Variants in CBFA2T3 observed in about 807,000 individuals in gnomAD.
The protein encoded by CBFA2T3 is transcriptional corepressor CBFA2T3.
Under a neutral mutation model 58.6 loss-of-function variants are expected in CBFA2T3, and 31 were observed. The ratio of observed to expected loss-of-function variants is 0.53; its 90% CI spans 0.40 to 0.71. The LOEUF is 0.71. Among genes scored for constraint, CBFA2T3 ranks in the 30% least tolerant of loss-of-function variants. CBFA2T3 has a pLI of 0.00. For missense variants in CBFA2T3, 1,076 were observed against 963.1 expected (o/e 1.12, Z -1.55); for synonymous variants, 531 against 421.9 (o/e 1.26, Z -3.17).
Position 88,877,038 on chromosome 16 carries a change from C to T in CBFA2T3, c.1900G>A (p.Ala634Thr). 2.0e-6 allele frequency: 3 copies of T among 1,509,420 alleles called. No individual in the cohort carries two copies. The highest frequency in any genetic ancestry group is 2.7e-6 in the Non-Finnish European group (3 of 1,129,974). The allele number at this position is 1,509,420 out of a possible 1,614,324, so 93.5% of individuals were successfully genotyped here. ...GGGGAGCCGGGGCGAGAAGGCCCCG[C>T]AGAGCCGGCTTCGCTGGGGCTGGCA... is the stretch of plus-strand genomic sequence containing the variant. ...GAASPSEAGS[A>T]GPSRPGSPSP... Residue 634 changes from alanine to threonine, a missense_variant, in exon 12 of 12, where the codon GCG becomes ACG. Ala to Thr is a moderately conservative substitution (Grantham distance 58). Coordinates refer to ENST00000268679, the MANE Select transcript of CBFA2T3 (RefSeq NM_005187.6).
At chr16:88,887,733 G>A (rs534425609) in intron 5 of CBFA2T3, among the ~76,000 whole-genome samples, 1 of 152,198 alleles carries the variant, frequency 6.6e-6, no homozygotes, top group East Asian at 1.9e-4. Flanking sequence ...AGGGCACCCG[G>A]GGAGGTGTCA....
intron 1 of CBFA2T3, among the ~76,000 whole-genome samples, chr16:88,920,663 C>A (rs1970883941): frequency 6.6e-6 from 1 of 152,202 alleles, no homozygotes; most frequent in African/African-American, 2.4e-5. Flanking sequence ...GAGGCCCCAC[C>A]ACGCAATGCC....
At chr16:88,941,600 CG>C (rs1971735481) in intron 1 of CBFA2T3, among the ~76,000 whole-genome samples, 1 of 146,402 alleles carries the variant, frequency 6.8e-6, no homozygotes, top group African/African-American at 2.5e-5. Flanking sequence ...GAGAGGGGCG[CG>C]GGGAGGGGGC....
chr16:88,957,380 G>A (rs573684816), intron 1 of CBFA2T3, among the ~76,000 whole-genome samples: 7 of 152,210 alleles, frequency 4.6e-5, no homozygotes, highest in Non-Finnish European at 1.5e-5. Context: ...AGCACTCTCC[G>A]TGGGGCTGTC....
chr16:88,932,638 C>T (rs1232556621), intron 1 of CBFA2T3, among the ~76,000 whole-genome samples: 1 of 149,768 alleles, frequency 6.7e-6, no homozygotes, highest in Non-Finnish European at 1.5e-5. Flanking sequence ...TAGAGGGAGA[C>T]CCCGACTATA....
chr16:88,888,887 T>C (rs1258809763), intron 5 of CBFA2T3, among the ~76,000 whole-genome samples: 1 of 151,676 alleles, frequency 6.6e-6, no homozygotes, highest in East Asian at 2.0e-4. Context: ...AAGGGGAGAC[T>C]GAGGTGGACA....
At position 88,875,233 on chromosome 16, in the gene CBFA2T3, G is replaced by T. The variant is rs971073494; in HGVS notation, c.*1743C>A. 1 of 233,886 alleles carries T rather than the reference G, an allele frequency of 4.3e-6. No homozygotes were observed. Among genetic ancestry groups the T allele is most frequent in the East Asian group, 6.0e-5 (1 of 16,594 alleles). 14.5% of individuals were successfully genotyped at this position (233,886 alleles called of 1,614,324 possible). Reference sequence around the variant, plus strand: ...GCCACACGCACAGATGCCAGGCTGCGGGCCGTGCCTGCTGTCTGTCCTTGT... The same window carrying T: ...GCCACACGCACAGATGCCAGGCTGCTGGCCGTGCCTGCTGTCTGTCCTTGT... On this transcript the variant is annotated 3_prime_UTR_variant, in exon 12 of 12. Coordinates refer to ENST00000268679, the MANE Select transcript of CBFA2T3 (RefSeq NM_005187.6).
chr16:88,942,175 G>A, intron 1 of CBFA2T3, among the ~76,000 whole-genome samples: 1 of 152,136 alleles, frequency 6.6e-6, no homozygotes, highest in East Asian at 1.9e-4. Context: ...TCTGCCGGCA[G>A]GCCCCCTCCC....
chr16:88,946,684 T>C (rs1002470455), intron 1 of CBFA2T3, among the ~76,000 whole-genome samples: 2 of 152,142 alleles, frequency 1.3e-5, no homozygotes, highest in African/African-American at 4.8e-5. Context: ...GGTTTCACCA[T>C]GTTGGCCAGG....
intron 11 of CBFA2T3, among the ~76,000 whole-genome samples, chr16:88,877,749 C>T (rs886137211): frequency 6.6e-5 from 10 of 152,116 alleles, no homozygotes; most frequent in Admixed American, 2.0e-4. Context: ...GCTCCCTTCC[C>T]GTAGGGTGAG....
At chr16:88,931,276 T>G (rs906172925) in intron 1 of CBFA2T3, among the ~76,000 whole-genome samples, 6 of 152,082 alleles carry the variant, frequency 3.9e-5, no homozygotes, top group Non-Finnish European at 8.8e-5. Flanking sequence ...CCTGGCTCTG[T>G]GAGCCTGGCT....
intron 10 of CBFA2T3, chr16:88,879,777 C>T (rs1190595388): frequency 4.6e-5 from 15 of 323,546 alleles, no homozygotes; most frequent in Admixed American, 1.3e-4. Context: ...TCTACCGCAG[C>T]GGCTCCCCAG....
chr16:88,915,410 G>T (rs1170667729), intron 1 of CBFA2T3, among the ~76,000 whole-genome samples: 1 of 48,712 alleles, frequency 2.1e-5, no homozygotes, highest in East Asian at 5.0e-4. Flanking sequence ...GAGCGTGGAG[G>T]GGGGAGCGTG....
intron 1 of CBFA2T3, among the ~76,000 whole-genome samples, chr16:88,972,942 T>A (rs1972690678): frequency 6.6e-6 from 1 of 152,194 alleles, no homozygotes; most frequent in Admixed American, 6.5e-5. Context: ...GCTGCCTGTC[T>A]GTCTGTCTGT....
chr16:88,881,409 G>A lies in CBFA2T3; in HGVS notation c.1284C>T (p.Arg428=), dbSNP rs781508322. Residue 428 remains arginine, a synonymous_variant, in exon 9 of 12, where the codon CGC becomes CGT. Coordinates refer to ENST00000268679, the MANE Select transcript of CBFA2T3 (RefSeq NM_005187.6). ...TVLRRCQEAD[R]EELNHWARRY... is the part of the protein sequence containing the mutation. ...GCCGCGCCCAGTGGTTGAGCTCCTCGCGGTCGGCCTCCTGGCACCTGCGCA... is the reference window on the plus strand; with the variant it reads ...GCCGCGCCCAGTGGTTGAGCTCCTCACGGTCGGCCTCCTGGCACCTGCGCA... The A allele has an allele frequency of 6.4e-5, 103 of 1,607,196 alleles. No individual in the cohort carries two copies. In the South Asian group the frequency reaches 6.6e-4, roughly 10 times the overall value.
At chr16:88,905,467 T>A (rs902637122) in intron 1 of CBFA2T3, among the ~76,000 whole-genome samples, 2 of 151,954 alleles carry the variant, frequency 1.3e-5, no homozygotes, top group African/African-American at 4.8e-5. Context: ...TGGGCGGTCC[T>A]GCCTCTTGTT....
In CBFA2T3 at chr16:88,901,578, G is replaced by T; in HGVS notation, c.230C>A (p.Pro77His). 6.6e-7 allele frequency: 1 copy of T among 1,503,760 alleles called. No individual in the cohort carries two copies. Among genetic ancestry groups the T allele is most frequent in the Admixed American group, 2.7e-5 (1 of 36,972 alleles). 93.2% of individuals were successfully genotyped at this position (1,503,760 alleles called of 1,614,324 possible). A position where few individuals can be genotyped will look rare whatever the true frequency, so the allele number is the denominator to read the frequency against. Residue 77 changes from proline (P) to histidine (H), a missense_variant, in exon 2 of 12, where the codon CCC becomes CAC. Coordinates refer to ENST00000268679, the MANE Select transcript of CBFA2T3 (RefSeq NM_005187.6). ...AGGCGGTGGGGGCGGCATGCTGGGG[G>T]GTGTGGACCGGGGCTGCGTCTTCAC... ...AEVKTQPRST[P>H]PSMPPPPPAA...
intron 1 of CBFA2T3, among the ~76,000 whole-genome samples, chr16:88,956,119 G>A (rs143990329): frequency 2.8e-4 from 43 of 152,376 alleles, no homozygotes; most frequent in Admixed American, 7.2e-4. Context: ...AGACTCAAAG[G>A]CTTTGGGAAA....
intron 1 of CBFA2T3, among the ~76,000 whole-genome samples, chr16:88,908,861 C>T (rs193157025): frequency 1.3e-5 from 2 of 152,378 alleles, no homozygotes; most frequent in East Asian, 1.9e-4. Context: ...CGTCCTACTG[C>T]GTGCCAGGCC....
Sources: allele counts gnomAD v4.1 joint callset (sites outside exome capture counted in the v4.1 genomes callset), GRCh38; gene constraint gnomAD v4.1.1; transcripts MANE v1.5; gene names NCBI Gene and HGNC (gene_info 2026-07-23, HGNC 2026-07-21).